The following SLC4A1 variants were observed in gnomAD, a reference collection of about 807,000 sequenced individuals.
SLC4A1 encodes solute carrier family 4 member 1 (Diego blood group).
Under a neutral mutation model 93.1 loss-of-function variants are expected in SLC4A1, and 29 were observed. That is an observed-to-expected ratio of 0.31 (90% CI 0.23 to 0.42). The LOEUF (loss-of-function observed/expected upper bound fraction) is 0.42. Among genes scored for constraint, SLC4A1 ranks in the 20% least tolerant of loss-of-function variants. SLC4A1 has a pLI of 1.00. For synonymous variants in SLC4A1, 469 were observed against 497.2 expected (o/e 0.94, Z 0.76); for missense variants, 965 against 1,190.1 (o/e 0.81, Z 2.78).
chr17:44,262,804 C>T (rs1331448691), intron 2 of SLC4A1, 48 bp downstream of exon 2: 6 of 1,609,064 alleles, frequency 3.7e-6, no homozygotes, highest in Admixed American at 1.7e-5. Flanking sequence ...AGGACCAGGT[C>T]CCCAGAGCCT....
At chr17:44,264,028 G>A (rs1238950299) in intron 1 of SLC4A1, among the ~76,000 whole-genome samples, 1 of 151,854 alleles carries the variant, frequency 6.6e-6, no homozygotes, top group Non-Finnish European at 1.5e-5. Context: ...TTTGAGAGCG[G>A]GTCTCCCTCT....
At chr17:44,265,130 G>T (rs1227470180) in intron 1 of SLC4A1, among the ~76,000 whole-genome samples, 49 of 148,576 alleles carry the variant, frequency 3.3e-4, no homozygotes, top group Non-Finnish European at 1.3e-4. Flanking sequence ...GGGGCTGGTG[G>T]GAGGGGGTGC....
At chr17:44,255,391 T>A in intron 14 of SLC4A1, 95 bp from the exon 15 acceptor site, 2 of 919,064 alleles carry the variant, frequency 2.2e-6, no homozygotes, top group East Asian at 5.3e-5. Flanking sequence ...GCCCTGCTCT[T>A]CCAGGGGATC....
At position 44,259,266 on chromosome 17, in the gene SLC4A1, A is replaced by G. The variant is rs138948233; in HGVS notation, c.773T>C (p.Leu258Pro). Residue 258 changes from leucine to proline, a missense_variant, in exon 9 of 20, where the codon CTG (leucine) becomes CCG (proline). Around this residue, in one of 2 missense-constraint regions of SLC4A1, gnomAD observed 770 missense variants for 1,006.6 expected, o/e 0.76. Coordinates refer to ENST00000262418, the MANE Select transcript of SLC4A1 (RefSeq NM_000342.4). The stretch of plus-strand genomic sequence containing the variant: ...AAAGAGGAAGCGTATAGGCACCGGC[A>G]GCTCCACCGCCTCCAGCTCCGCTGC... ...QEAAELEAVE[L>P]PVPIRFLFVL... 1.3e-5 allele frequency: 21 copies of G among 1,613,932 alleles called. No individual in the cohort carries two copies. Among genetic ancestry groups the G allele is most frequent in the Non-Finnish European group, 1.5e-5 (18 of 1,180,012 alleles).
intron 1 of SLC4A1, among the ~76,000 whole-genome samples, chr17:44,265,979 C>CAA (rs753916308): frequency 1.4e-4 from 12 of 85,036 alleles, no homozygotes; most frequent in African/African-American, 3.6e-4. Flanking sequence ...GACTCCGTCT[C>CAA]AAAAAAAAAA....
In SLC4A1 at chr17:44,255,221, C is replaced by T. The variant is rs1254531126; in HGVS notation, c.1876G>A (p.Asp626Asn). Reference sequence around the variant, plus strand: ...GGAGGGGTCACCTGGGTGTAGGTATCCTGAATGAAGAAATCCACCAGGACC... The same window carrying T: ...GGAGGGGTCACCTGGGTGTAGGTATTCTGAATGAAGAAATCCACCAGGACC... ...IMVLVDFFIQ[D>N]TYTQKLSVPD... The change falls in exon 15 of 20, where the codon GAT becomes AAT. Residue 626 changes from aspartate (D) to asparagine (N), a missense_variant. Asp to Asn is a conservative substitution (Grantham distance 23). This residue lies in a region of SLC4A1 where 770 missense variants were observed against 1,006.6 expected (regional missense o/e 0.76). Coordinates refer to ENST00000262418, the MANE Select transcript of SLC4A1 (RefSeq NM_000342.4). The T allele has an allele frequency of 3.9e-6, 6 of 1,556,292 alleles. No individual in the cohort carries two copies. Among genetic ancestry groups the T allele is most frequent in the Non-Finnish European group, 5.2e-6 (6 of 1,148,944 alleles).
rs761116611 is a variant in SLC4A1, at chr17:44,258,548, T to A, written c.952A>T (p.Ser318Cys). The A allele has an allele frequency of 2.5e-6, 4 of 1,613,646 alleles. No homozygotes were observed. The highest frequency in any genetic ancestry group is 3.4e-6 in the Non-Finnish European group (4 of 1,179,854). Residue 318 changes from serine to cysteine, a missense_variant, in exon 10 of 20, where the codon AGC (serine) becomes TGC (cysteine). Ser to Cys is a moderately radical substitution (Grantham distance 112). Coordinates refer to ENST00000262418, the MANE Select transcript of SLC4A1 (RefSeq NM_000342.4). The surrounding 1 kb of genome is among the most constrained non-coding windows in gnomAD (Gnocchi z 6.1). Reference sequence around the variant, plus strand: ...GCATCGGTGGGAGGCAGCACTAGGCTGCAGTCCAGGAAGCCCTCTAGGGAG... The same window carrying A: ...GCATCGGTGGGAGGCAGCACTAGGCAGCAGTCCAGGAAGCCCTCTAGGGAG... The part of the protein sequence containing the change: ...LHSLEGFLDC[S>C]LVLPPTDAPS...
In SLC4A1 at chr17:44,253,050, G is replaced by A; in HGVS notation, c.2311+68C>T. 2.6e-6 allele frequency: 4 copies of A among 1,554,996 alleles called. No homozygotes were observed. The South Asian group carries it at 4.5e-5, about 17-fold the overall frequency. On this transcript the variant is annotated intron_variant, in intron 17 of 19. Coordinates refer to ENST00000262418, the MANE Select transcript of SLC4A1 (RefSeq NM_000342.4). The stretch of plus-strand genomic sequence containing the variant: ...AGGAGGTGCTGGGTCCGAACAGAAA[G>A]GGGAAGGGGAAGGGGCCGGGGGTGA...
rs771529404 is a variant in SLC4A1, at chr17:44,259,904, C to A, written c.514G>T (p.Gly172Cys). Residue 172 changes from glycine (G) to cysteine (C), a missense_variant, in exon 7 of 20, where the codon GGT becomes TGT. Physicochemically the swap from Gly to Cys is radical, Grantham distance 159. Transcript: ENST00000262418. ...CGTGTCAGGACTGCAGGCTTCACAC[C>A]CCCCAGGGCCTCCAGCTCTCCAGCG... ...SHAGELEALGGVKPAVLTRSG... is the reference protein window; with the variant it reads ...SHAGELEALGCVKPAVLTRSG... 6.2e-7 allele frequency: 1 copy of A among 1,613,934 alleles called. No homozygotes were observed. Among genetic ancestry groups the A allele is most frequent in the South Asian group, 1.1e-5 (1 of 91,064 alleles).
chr17:44,263,023 GGATCCACGT>G, intron 1 of SLC4A1, 89 bp from the exon 2 acceptor site: 1 of 1,065,082 alleles, frequency 9.4e-7, no homozygotes, highest in Non-Finnish European at 1.4e-6. Context: ...TCAGTGGAGG[GGATCCACGT>G]GTTGGAGGTG....
rs2047418458 is a variant in SLC4A1, at chr17:44,259,227, G to A, written c.812C>T (p.Pro271Leu). 1.9e-6 allele frequency: 3 copies of A among 1,613,958 alleles called. No homozygotes were observed. In the African/African-American group the frequency reaches 4.0e-5, roughly 22 times the overall value. Residue 271 changes from proline to leucine, a missense_variant, in exon 9 of 20, where the codon CCT becomes CTT. Transcript: ENST00000262418. Reference sequence around the variant, plus strand: ...GGTGTAATCGATGTGGGGGGCCTCAGGTCCCAGCAACACAAAGAGGAAGCG... The same window carrying A: ...GGTGTAATCGATGTGGGGGGCCTCAAGTCCCAGCAACACAAAGAGGAAGCG... ...PIRFLFVLLG[P>L]EAPHIDYTQL... is the part of the protein sequence containing the mutation.
chr17:44,261,515 G>T, intron 4 of SLC4A1, 60 bp downstream of exon 4: 3 of 1,613,904 alleles, frequency 1.9e-6, no homozygotes, highest in South Asian at 1.1e-5. Flanking sequence ...TCTCTTCCCT[G>T]ATCAAATGGT....
intron 7 of SLC4A1, 64 bp downstream of exon 7, chr17:44,259,745 G>A: frequency 6.2e-7 from 1 of 1,611,084 alleles, no homozygotes; most frequent in Non-Finnish European, 8.5e-7. Context: ...ACCCCTGCTG[G>A]CGTTTGAGAA....
chr17:44,261,693 A>T, intron 3 of SLC4A1, 57 bp from the exon 4 acceptor site: 2 of 1,612,442 alleles, frequency 1.2e-6, no homozygotes, highest in Non-Finnish European at 1.7e-6. Context: ...GAGGCTCTTC[A>T]CCATCCACTG....
rs538590630 is a variant in SLC4A1, at chr17:44,249,835, G to A, written c.*623C>T. On this transcript the variant is annotated 3_prime_UTR_variant, in exon 20 of 20. Transcript: ENST00000262418. ...GCATGACTGACAGAGGACAGAGCTC[G>A]GACCTTGAAATCAGAAGGCCTGGTT... The A allele has an allele frequency of 1.3e-4, 20 of 156,864 alleles. No individual in the cohort carries two copies. The highest frequency in any genetic ancestry group is 6.8e-3 in the Middle Eastern group (2 of 296). 9.7% of individuals were successfully genotyped at this position (156,864 alleles called of 1,614,324 possible).
intron 1 of SLC4A1, among the ~76,000 whole-genome samples, chr17:44,263,568 C>T (rs138628312): frequency 1.1e-4 from 17 of 152,256 alleles, no homozygotes; most frequent in East Asian, 7.7e-4. Flanking sequence ...GTCCATATCC[C>T]GGACACCCTC....
At chr17:44,263,715 T>C (rs867249443) in intron 1 of SLC4A1, among the ~76,000 whole-genome samples, 12 of 137,972 alleles carry the variant, frequency 8.7e-5, no homozygotes, top group African/African-American at 3.4e-4. Flanking sequence ...CCCTCCTTCC[T>C]TCCTTCCTTC....
Position 44,250,495 on chromosome 17 carries a change from C to T in SLC4A1, c.2699G>A (p.Gly900Asp). 6.2e-7 allele frequency: 1 copy of T among 1,614,024 alleles called. No homozygotes were observed. ...GGCCACTTCGTCGTATTCATCCCGA[C>T]CTTCCTCCTCATCAAAGGTTGCCTT... ...DAKATFDEEE[G>D]RDEYDEVAMP... The change falls in exon 20 of 20, where the codon GGT becomes GAT. Residue 900 changes from glycine to aspartate, a missense_variant. This residue lies in a region of SLC4A1 where 770 missense variants were observed against 1,006.6 expected (regional missense o/e 0.76). Transcript: ENST00000262418.
Position 44,260,768 on chromosome 17 carries a change from C to A in SLC4A1, c.216G>T (p.Glu72Asp), listed in dbSNP as rs13306788. The A allele has an allele frequency of 2.7e-3, 4,385 of 1,613,946 alleles. 81 individuals carry two copies. In the East Asian group the frequency reaches 0.035, roughly 13 times the overall value. Residue 72 changes from glutamate (E) to aspartate (D), a missense_variant, in exon 5 of 20, where the codon GAG (glutamate) becomes GAT (aspartate). Around this residue, in one of 2 missense-constraint regions of SLC4A1, gnomAD observed 195 missense variants for 183.5 expected, o/e 1.06. Coordinates refer to ENST00000262418, the MANE Select transcript of SLC4A1 (RefSeq NM_000342.4). ...AGCGCGCCGCCTCCATCCATCTCAG[C>A]TCCTGGTTCTTTTCGTCCATCACCA... ...QELVMDEKNQ[E>D]LRWMEAARWV...
Sources: gnomAD v4.1 joint callset for allele counts (sites outside exome capture counted in the v4.1 genomes callset) on GRCh38, gnomAD v4.1.1 for gene constraint, gnomAD v4.1.1 regional missense constraint, Gnocchi (gnomAD v3.1) non-coding constraint, MANE v1.5 for transcripts, NCBI Gene and HGNC (gene_info 2026-07-23, HGNC 2026-07-21) for gene names.